HPD: variants seen among roughly 807,000 people sequenced by gnomAD.
The protein encoded by HPD is 4-hydroxyphenylpyruvic acid oxidase.
Under a neutral mutation model 56.9 loss-of-function variants are expected in HPD, and 35 were observed. That is an observed-to-expected ratio of 0.62 (90% CI 0.47 to 0.82). HPD has a LOEUF of 0.82. Ranked by LOEUF, HPD falls within the 40% of genes least tolerant of loss-of-function variation. The pLI is 0.00. For synonymous variants in HPD, 186 were observed against 200.2 expected (o/e 0.93, Z 0.60); for missense variants, 442 against 506.8 (o/e 0.87, Z 1.23).
At chr12:121,879,365 GA>G in the HPD span, among the ~76,000 whole-genome samples, 3 of 150,888 alleles carry the variant, frequency 2.0e-5, no homozygotes, top group South Asian at 6.3e-4. Flanking sequence ...TAATTAAGAG[GA>G]AAAAAAAGTA....
chr12:121,874,704 T>C, the HPD span, among the ~76,000 whole-genome samples: 1 of 152,064 alleles, frequency 6.6e-6, no homozygotes, highest in African/African-American at 2.4e-5. Flanking sequence ...TTGGGAGATG[T>C]GTGCATGTGA....
chr12:121,853,915 C>A (rs924269807), intron 7 of HPD, among the ~76,000 whole-genome samples: 2 of 149,534 alleles, frequency 1.3e-5, no homozygotes, highest in Non-Finnish European at 1.5e-5. Context: ...CCAGCCTGGG[C>A]GACAGAGAGA....
At chr12:121,840,183 C>T (rs1263071869) in intron 12 of HPD, 135 bp from the exon 13 acceptor site, 1 of 725,106 alleles carries the variant, frequency 1.4e-6, no homozygotes, top group Non-Finnish European at 2.5e-6. Flanking sequence ...CCAAATATAT[C>T]CCCAAACTGT....
At position 121,847,106 on chromosome 12, in the gene HPD, G is replaced by A. The variant is rs774789291; in HGVS notation, c.705C>T (p.Ser235=). The A allele has an allele frequency of 3.7e-6, 6 of 1,614,146 alleles. No individual in the cohort carries two copies. The East Asian group carries it at 6.7e-5, about 18-fold the overall frequency. ...CTGGCTCATTGATGGGCATCTTGAT[G>A]GACTCTTCATAGTTGGCCACCACAA... The part of the protein sequence containing the change: ...RSIVVANYEE[S]IKMPINEPAP... The change falls in exon 10 of 14, where the codon TCC becomes TCT. Residue 235 remains serine (S), a synonymous_variant. Coordinates refer to ENST00000289004, the MANE Select transcript of HPD (RefSeq NM_002150.3).
the HPD span, among the ~76,000 whole-genome samples, chr12:121,883,437 G>A: frequency 3.3e-3 from 508 of 152,002 alleles, 4 homozygotes; most frequent in Admixed American, 0.024. Context: ...AAGAGGTGGC[G>A]GGGTAGGAGT....
chr12:121,852,081 G>A (rs2137623516), intron 7 of HPD, among the ~76,000 whole-genome samples: 1 of 152,258 alleles, frequency 6.6e-6, no homozygotes, highest in East Asian at 1.9e-4. Flanking sequence ...GTGCAGTGGT[G>A]TGATAACAGC....
rs1206546215 is a variant in HPD at position 121,850,692 on chromosome 12, C to CTT, written c.415-904_415-903dup. Among the ~76,000 whole-genome samples, 154 of 91,648 alleles carry CTT rather than the reference C, an allele frequency of 1.7e-3. 6 individuals are homozygous for CTT. The highest frequency in any genetic ancestry group is 5.5e-3 in the African/African-American group (133 of 24,056). 60.1% of individuals were successfully genotyped at this position (91,648 alleles called of 152,430 possible). On this transcript the variant is annotated intron_variant, in intron 7 of 13. Transcript: ENST00000289004. The stretch of plus-strand genomic sequence containing the variant: ...ACAGGCATGAGCCACTGTACCTAGC[C>CTT]TTTTTTTTTTTTTTTTTTTTTGTTT...
At chr12:121,863,235 C>A (rs909063383), upstream of HPD, among the ~76,000 whole-genome samples, 1 of 150,466 alleles carries the variant, frequency 6.6e-6, no homozygotes, top group African/African-American at 2.4e-5. Context: ...CTTCCCGCCT[C>A]GGCCTCCCAA....
chr12:121,861,136 G>A (rs1878161701), upstream of HPD, among the ~76,000 whole-genome samples: 1 of 152,118 alleles, frequency 6.6e-6, no homozygotes, highest in South Asian at 2.1e-4. Flanking sequence ...AGGAGTTTGA[G>A]ACCAGCCTGA....
chr12:121,841,200 C>CAA (rs35849071), intron 12 of HPD, among the ~76,000 whole-genome samples: 3,109 of 89,302 alleles, frequency 0.035, 145 homozygotes, highest in African/African-American at 0.11. Flanking sequence ...GACTCTGTCT[C>CAA]AAAAAAAAAA....
At chr12:121,871,940 A>G in the HPD span, among the ~76,000 whole-genome samples, 1 of 150,540 alleles carries the variant, frequency 6.6e-6, no homozygotes, top group Non-Finnish European at 1.5e-5. Context: ...TCTTTTTGAG[A>G]TGGAGTCTCG....
chr12:121,877,060 C>T, the HPD span, among the ~76,000 whole-genome samples: 1 of 146,238 alleles, frequency 6.8e-6, no homozygotes, highest in Non-Finnish European at 1.5e-5. Flanking sequence ...CGTCACTGTA[C>T]TCTAGCCTGG....
chr12:121,873,253 C>T, the HPD span, among the ~76,000 whole-genome samples: 1 of 152,226 alleles, frequency 6.6e-6, no homozygotes, highest in South Asian at 2.1e-4. Flanking sequence ...CAATGCCCAG[C>T]TGTAGGGAGA....
chr12:121,888,492 C>T, the HPD span, among the ~76,000 whole-genome samples: 3 of 152,220 alleles, frequency 2.0e-5, no homozygotes, highest in Non-Finnish European at 4.4e-5. Flanking sequence ...CGCCACGCAG[C>T]GGTTCTCTGG....
At chr12:121,871,516 C>T in the HPD span, among the ~76,000 whole-genome samples, 1 of 152,300 alleles carries the variant, frequency 6.6e-6, no homozygotes, top group East Asian at 1.9e-4. Context: ...CCTGCCAGGC[C>T]CCACAGCTCT....
chr12:121,848,207 G>A (rs920508783), intron 9 of HPD, among the ~76,000 whole-genome samples: 12 of 152,080 alleles, frequency 7.9e-5, no homozygotes, highest in African/African-American at 2.9e-4. Flanking sequence ...CAAGTCCACT[G>A]GTCTCCATGT....
intron 9 of HPD, among the ~76,000 whole-genome samples, chr12:121,848,309 TA>T (rs1462183958): frequency 6.6e-6 from 1 of 151,858 alleles, no homozygotes; most frequent in Non-Finnish European, 1.5e-5. Flanking sequence ...TATTTTACTT[TA>T]TTATTATTAT....
At chr12:121,868,477 G>A (rs1878381199), upstream of HPD, among the ~76,000 whole-genome samples, 1 of 150,574 alleles carries the variant, frequency 6.6e-6, no homozygotes, top group Non-Finnish European at 1.5e-5. Flanking sequence ...ACAGGTGTGA[G>A]TCAACACACC....
the HPD span, among the ~76,000 whole-genome samples, chr12:121,874,767 T>C: frequency 2.2e-5 from 1 of 44,468 alleles, no homozygotes; most frequent in Non-Finnish European, 5.2e-5. Context: ...GTCACTTTCT[T>C]TTTTTTTTTT....
Sources: gnomAD v4.1 joint callset for allele counts (sites outside exome capture counted in the v4.1 genomes callset) on GRCh38, gnomAD v4.1.1 for gene constraint, MANE v1.5 for transcripts, NCBI Gene and HGNC (gene_info 2026-07-23, HGNC 2026-07-21) for gene names.